TENM4: variants seen among roughly 807,000 people sequenced by gnomAD.
TENM4 encodes the protein teneurin transmembrane protein 4, also known as teneurin-4.
A neutral mutation model predicts 243.3 loss-of-function variants in TENM4; 82 were observed. The observed-to-expected ratio is 0.34, with a 90% CI of 0.28 to 0.40. TENM4 has a LOEUF of 0.40. TENM4 is among the 10% of genes least tolerant of loss of function. TENM4 has a pLI of 1.00. For missense variants in TENM4, 3,138 were observed against 3,673.3 expected, an observed-to-expected ratio of 0.85 and a Z score of 3.77; for synonymous variants, 1,412 against 1,456.3, an observed-to-expected ratio of 0.97 and a Z score of 0.69.
intron 6 of TENM4, among the ~76,000 whole-genome samples, chr11:78,999,145 G>T (rs1391396143): frequency 1.3e-5 from 2 of 152,170 alleles, no homozygotes; most frequent in Non-Finnish European, 2.9e-5. Context: ...AAAAAATCAA[G>T]TGATTAGGGA....
chr11:78,923,445 G>A (rs1565127756), intron 6 of TENM4, among the ~76,000 whole-genome samples: 1 of 152,146 alleles, frequency 6.6e-6, no homozygotes, highest in Non-Finnish European at 1.5e-5. Flanking sequence ...GCCAATGAGT[G>A]TTTCAGGAAT....
At chr11:78,703,253 G>A (rs1409562715) in intron 27 of TENM4, among the ~76,000 whole-genome samples, 3 of 152,158 alleles carry the variant, frequency 2.0e-5, no homozygotes. Context: ...ATCAGCATCA[G>A]CTCACCTAGG....
intron 9 of TENM4, among the ~76,000 whole-genome samples, chr11:78,875,464 A>C (rs1310187354): frequency 6.6e-6 from 1 of 152,170 alleles, no homozygotes; most frequent in African/African-American, 2.4e-5. Context: ...TTGGCCTCCC[A>C]AAACGCTAGG....
intron 28 of TENM4, among the ~76,000 whole-genome samples, chr11:78,692,362 C>T (rs1323833935): frequency 6.6e-6 from 1 of 152,142 alleles, no homozygotes; most frequent in East Asian, 1.9e-4. Context: ...ATCAAGTCTC[C>T]ACCACAAATG....
At chr11:79,255,359 C>T (rs1855682199) in intron 2 of TENM4, among the ~76,000 whole-genome samples, 1 of 152,130 alleles carries the variant, frequency 6.6e-6, no homozygotes, top group Non-Finnish European at 1.5e-5. Context: ...TTCCTAACGC[C>T]TCCGTGTCTT....
chr11:78,727,398 T>C (rs888153363), intron 22 of TENM4, among the ~76,000 whole-genome samples: 1 of 148,740 alleles, frequency 6.7e-6, no homozygotes, highest in African/African-American at 2.5e-5. Context: ...AGTGAGCCAC[T>C]GCATTCCATC....
At chr11:79,095,120 G>A (rs1302956706) in intron 4 of TENM4, among the ~76,000 whole-genome samples, 1 of 152,126 alleles carries the variant, frequency 6.6e-6, no homozygotes, top group African/African-American at 2.4e-5. Flanking sequence ...GGCAGGAGCA[G>A]GCCCCTCTTG....
intron 33 of TENM4, among the ~76,000 whole-genome samples, chr11:78,660,001 C>T (rs191645635): frequency 1.3e-5 from 2 of 152,358 alleles, no homozygotes; most frequent in East Asian, 1.9e-4. Context: ...CAAAGATCTC[C>T]GATGCTTGCC....
intron 2 of TENM4, among the ~76,000 whole-genome samples, chr11:79,219,096 T>C (rs906596559): frequency 6.6e-6 from 1 of 152,206 alleles, no homozygotes. Context: ...GAGATCGCCA[T>C]GGCTGACAAA....
chr11:78,954,193 A>AG (rs1305673642), intron 6 of TENM4, among the ~76,000 whole-genome samples: 5 of 152,298 alleles, frequency 3.3e-5, no homozygotes, highest in African/African-American at 1.2e-4. Context: ...ACATGATGAC[A>AG]GGGGCAGAGG....
intron 25 of TENM4, among the ~76,000 whole-genome samples, chr11:78,714,950 C>T (rs72939808): frequency 0.12 from 19,022 of 152,232 alleles, 1,467 homozygotes; most frequent in Admixed American, 0.18. Flanking sequence ...AAAACCCAAT[C>T]GTCAATACTT....
intron 20 of TENM4, among the ~76,000 whole-genome samples, chr11:78,738,031 T>C (rs962069033): frequency 2.0e-5 from 3 of 152,156 alleles, no homozygotes; most frequent in Non-Finnish European, 2.9e-5. Context: ...TGATGGTTCT[T>C]GGAGGAATTC....
intron 18 of TENM4, among the ~76,000 whole-genome samples, chr11:78,766,547 G>A (rs2135982324): frequency 6.6e-6 from 1 of 152,206 alleles, no homozygotes; most frequent in East Asian, 1.9e-4. Flanking sequence ...TCCCTCTCAG[G>A]AGCCAGTGCC....
At chr11:79,006,105 G>A (rs1591201059) in intron 6 of TENM4, among the ~76,000 whole-genome samples, 2 of 152,326 alleles carry the variant, frequency 1.3e-5, no homozygotes, top group South Asian at 2.1e-4. Context: ...CAGTAGCCAG[G>A]TGATGGGAAG....
intron 7 of TENM4, among the ~76,000 whole-genome samples, chr11:78,892,504 C>T (rs1855691608): frequency 6.6e-6 from 1 of 152,158 alleles, no homozygotes. Context: ...TGGGTATAAC[C>T]CTTAACCTTT....
At chr11:79,221,710 G>A (rs1465701006) in intron 2 of TENM4, among the ~76,000 whole-genome samples, 1 of 152,122 alleles carries the variant, frequency 6.6e-6, no homozygotes, top group Non-Finnish European at 1.5e-5. Flanking sequence ...TTCTCGGTGA[G>A]CAGCTGCATA....
intron 4 of TENM4, among the ~76,000 whole-genome samples, chr11:79,102,640 T>C (rs1861263631): frequency 6.6e-6 from 1 of 152,210 alleles, no homozygotes; most frequent in Admixed American, 6.5e-5. Context: ...ACCATGGTCA[T>C]TGCTATCGCT....
intron 6 of TENM4, among the ~76,000 whole-genome samples, chr11:79,043,871 G>T (rs1591236094): frequency 6.6e-6 from 1 of 152,138 alleles, no homozygotes; most frequent in Non-Finnish European, 1.5e-5. Flanking sequence ...TGTTGATTCT[G>T]CTCTCTGAAG....
At chr11:79,236,932 T>C (rs1590816583) in intron 2 of TENM4, among the ~76,000 whole-genome samples, 1 of 152,224 alleles carries the variant, frequency 6.6e-6, no homozygotes, top group South Asian at 2.1e-4. Flanking sequence ...TCCCGGAATG[T>C]TGAGTCCCAA....
Sources: allele counts gnomAD v4.1 joint callset (sites outside exome capture counted in the v4.1 genomes callset), GRCh38; gene constraint gnomAD v4.1.1; transcripts MANE v1.5; gene names NCBI Gene and HGNC (gene_info 2026-07-23, HGNC 2026-07-21).